Variants in NTRK2 observed in about 807,000 individuals in gnomAD.
NTRK2 encodes BDNF/NT-3 growth factors receptor.
NTRK2 carries 13 observed loss-of-function variants against 94.5 expected under a neutral mutation model. The observed-to-expected ratio is 0.14, with a 90% CI of 0.09 to 0.22. The LOEUF (loss-of-function observed/expected upper bound fraction) is 0.22, where lower values mean the gene tolerates loss of function less well. Among genes scored for constraint, NTRK2 ranks in the 10% least tolerant of loss-of-function variants. The pLI is 1.00. For synonymous variants in NTRK2, 372 were observed against 407.4 expected (o/e 0.91, Z 1.05); for missense variants, 639 against 1,071.2 (o/e 0.60, Z 5.63).
At chr9:84,712,254 G>A (rs764669253) in intron 6 of NTRK2, among the ~76,000 whole-genome samples, 3 of 152,162 alleles carry the variant, frequency 2.0e-5, no homozygotes, top group Non-Finnish European at 2.9e-5. Context: ...ATTTTTGGTT[G>A]TGTTGTCTTG....
chr9:84,788,269 TAGG>T (rs2068328579), intron 12 of NTRK2, among the ~76,000 whole-genome samples: 2 of 151,836 alleles, frequency 1.3e-5, no homozygotes, highest in Admixed American at 6.6e-5. Context: ...ATTGGGAAAA[TAGG>T]AGGAAAATGA....
intron 12 of NTRK2, among the ~76,000 whole-genome samples, chr9:84,763,456 T>C (rs2065770434): frequency 6.6e-6 from 1 of 151,668 alleles, no homozygotes; most frequent in African/African-American, 2.4e-5. Context: ...ATGTGGATCT[T>C]GGTTTTTTTT....
intron 16 of NTRK2, among the ~76,000 whole-genome samples, chr9:84,949,999 C>T (rs574536543): frequency 3.7e-4 from 57 of 152,314 alleles, no homozygotes; most frequent in African/African-American, 1.2e-3. Flanking sequence ...ATTTTGGCCT[C>T]CAGACACAGC....
Position 84,934,299 on chromosome 9 carries a change from G to A in NTRK2, c.1764+7G>A, listed in dbSNP as rs771971882. On this transcript the variant is annotated splice_region_variant and intron_variant, in intron 15 of 18. Transcript: ENST00000277120. ...GATCTTGGTGGCAGTGAAGGTAAGA[G>A]AACATTCCAGAATGTCTCATTAACC... 3 of 1,613,698 alleles carry A rather than the reference G, an allele frequency of 1.9e-6. No homozygotes were observed. The African/African-American group carries it at 4.0e-5, about 22-fold the overall frequency.
At chr9:84,944,215 T>TCTCACACACACACACACACACA (rs1440338055) in intron 15 of NTRK2, among the ~76,000 whole-genome samples, 2 of 120,314 alleles carry the variant, frequency 1.7e-5, no homozygotes, top group African/African-American at 6.7e-5. Context: ...TCTCTCTCTC[T>TCTCACACACACACACACACACA]CACACACACA....
At chr9:84,709,139 T>TTCCTGGATTCTGTTATC (rs1410739574) in intron 5 of NTRK2, among the ~76,000 whole-genome samples, 1 of 152,262 alleles carries the variant, frequency 6.6e-6, no homozygotes. Context: ...AGTTTCTATG[T>TTCCTGGATTCTGTTATC]TCCTGGATTC....
intron 17 of NTRK2, among the ~76,000 whole-genome samples, chr9:84,980,715 C>T (rs568355884): frequency 2.8e-4 from 43 of 152,334 alleles, no homozygotes; most frequent in Non-Finnish European, 5.0e-4. Context: ...CCCATCATCC[C>T]ATACAAAGGG....
At chr9:84,763,793 A>G (rs1199026903) in intron 12 of NTRK2, among the ~76,000 whole-genome samples, 1 of 152,098 alleles carries the variant, frequency 6.6e-6, no homozygotes, top group African/African-American at 2.4e-5. Context: ...AGTTACTTAT[A>G]TATCAAACCA....
rs1588207263 is a variant in NTRK2 at position 85,020,072 on chromosome 9, T to C, written c.2173-134T>C. ...TGCTTGAGACTGTGAAGAAGTCATATATCCTTTATGTGTTTATAAACAATT... is the reference window on the plus strand; with the variant it reads ...TGCTTGAGACTGTGAAGAAGTCATACATCCTTTATGTGTTTATAAACAATT... On this transcript the variant is annotated intron_variant, in intron 17 of 18. Coordinates refer to ENST00000277120, the MANE Select transcript of NTRK2 (RefSeq NM_006180.6). The C allele has an allele frequency of 3.7e-5, 34 of 925,320 alleles. No homozygotes were observed. In the South Asian group the frequency reaches 4.4e-4, roughly 12 times the overall value. 57.3% of individuals were successfully genotyped at this position (925,320 alleles called of 1,614,324 possible).
At chr9:84,736,338 G>C in intron 9 of NTRK2, among the ~76,000 whole-genome samples, 1 of 152,196 alleles carries the variant, frequency 6.6e-6, no homozygotes, top group East Asian at 1.9e-4. Flanking sequence ...AATATTGGAA[G>C]AGCTTTTCCC....
intron 17 of NTRK2, among the ~76,000 whole-genome samples, chr9:85,013,950 G>A (rs1831928697): frequency 6.6e-6 from 1 of 152,176 alleles, no homozygotes; most frequent in Admixed American, 6.5e-5. Context: ...TCCCAGATTG[G>A]CATTACTCAC....
chr9:84,806,239 G>A (rs1161492333), intron 12 of NTRK2, among the ~76,000 whole-genome samples: 2 of 152,282 alleles, frequency 1.3e-5, no homozygotes, highest in Middle Eastern at 3.4e-3. Flanking sequence ...ACAAAAGAAG[G>A]TCCATGAGTG....
intron 12 of NTRK2, among the ~76,000 whole-genome samples, chr9:84,800,845 C>A (rs7857597): frequency 1.2e-3 from 179 of 152,250 alleles, no homozygotes; most frequent in Middle Eastern, 6.8e-3. Context: ...CTAAAGACTT[C>A]TTTCAGTTTG....
chr9:84,770,848 G>A (rs1239044463), intron 12 of NTRK2, among the ~76,000 whole-genome samples: 1 of 152,178 alleles, frequency 6.6e-6, no homozygotes, highest in Non-Finnish European at 1.5e-5. Flanking sequence ...GTAATTGGTA[G>A]AACCACAATA....
At position 85,021,713 on chromosome 9, in the gene NTRK2, C is replaced by T. The variant is rs200633599; in HGVS notation, c.*276C>T. On this transcript the variant is annotated 3_prime_UTR_variant, in exon 19 of 19. Coordinates refer to ENST00000277120, the MANE Select transcript of NTRK2 (RefSeq NM_006180.6). ...TAAATTTTCTTTTTCTTTTTTTTTTCGTCTTCCCTGCTTCACGATTCTTAC... is the reference window on the plus strand; with the variant it reads ...TAAATTTTCTTTTTCTTTTTTTTTTTGTCTTCCCTGCTTCACGATTCTTAC... 6.0e-5 allele frequency: 28 copies of T among 465,050 alleles called. No homozygotes were observed. The highest frequency in any genetic ancestry group is 4.2e-4 in the African/African-American group (20 of 48,130). 28.8% of individuals were successfully genotyped at this position (465,050 alleles called of 1,614,324 possible). A position where few individuals can be genotyped will look rare whatever the true frequency, so the allele number is the denominator to read the frequency against.
intron 12 of NTRK2, among the ~76,000 whole-genome samples, chr9:84,832,917 C>G (rs76733147): frequency 6.6e-6 from 1 of 152,076 alleles, no homozygotes; most frequent in Admixed American, 6.5e-5. Flanking sequence ...CAGCCACCCC[C>G]GCACCTGGAT....
chr9:84,917,479 G>A (rs1302310278), intron 14 of NTRK2, among the ~76,000 whole-genome samples: 1 of 152,164 alleles, frequency 6.6e-6, no homozygotes, highest in Non-Finnish European at 1.5e-5. Context: ...TCAGTTGTAA[G>A]GGAGATGCTT....
At chr9:84,882,697 AGT>A (rs71847053) in intron 14 of NTRK2, among the ~76,000 whole-genome samples, 9,390 of 149,740 alleles carry the variant, frequency 0.063, 426 homozygotes, top group African/African-American at 0.13. Context: ...CTTTTGTTCT[AGT>A]GTGTGTGTGT....
intron 12 of NTRK2, chr9:84,813,642 C>T (rs2072057877): frequency 9.4e-7 from 1 of 1,065,970 alleles, no homozygotes; most frequent in African/African-American, 1.6e-5. Context: ...AGCTGTCTCC[C>T]TTTGCTGGGA....
Sources: allele counts gnomAD v4.1 joint callset (sites outside exome capture counted in the v4.1 genomes callset), GRCh38; gene constraint gnomAD v4.1.1; transcripts MANE v1.5; gene names NCBI Gene and HGNC (gene_info 2026-07-23, HGNC 2026-07-21).